The following NRG3 variants were observed in gnomAD, a reference collection of about 807,000 sequenced individuals.
The protein encoded by NRG3 is pro-neuregulin-3, membrane-bound isoform.
Under a neutral mutation model 66.9 loss-of-function variants are expected in NRG3, and 31 were observed. That is an observed-to-expected ratio of 0.46 (90% CI 0.35 to 0.63). The LOEUF (loss-of-function observed/expected upper bound fraction) is 0.63, where lower values mean the gene tolerates loss of function less well. Among genes scored for constraint, NRG3 ranks in the 20% least tolerant of loss-of-function variants. The probability of loss-of-function intolerance (pLI) is 0.00; values close to 1 mark genes in which losing one functional copy is unlikely to be tolerated. For missense variants in NRG3, 910 were observed against 878.9 expected (o/e 1.04, Z -0.45); for synonymous variants, 393 against 359.4 (o/e 1.09, Z -1.06).
intron 1 of NRG3, among the ~76,000 whole-genome samples, chr10:82,300,796 A>G (rs1343930800): frequency 2.6e-5 from 4 of 151,990 alleles, no homozygotes; most frequent in African/African-American, 9.7e-5. Context: ...AGGGTGGCAG[A>G]TACTCTCTGA....
At position 81,876,046 on chromosome 10, in the gene NRG3, C is replaced by A. The variant is rs1339713802; in HGVS notation, c.706C>A (p.His236Asn). ...TAAYATSSYL[H>N]DSTPSWTLSP... ...GGCATACGCTACCTCCTCCTACCTT[C>A]ACGATTCTACTCCCTCCTGGACCCT... is the stretch of plus-strand genomic sequence containing the variant. The change falls in exon 1 of 9, where the codon CAC becomes AAC. Residue 236 changes from histidine to asparagine, a missense_variant. His to Asn is a moderately conservative substitution (Grantham distance 68). Coordinates refer to ENST00000372141, the MANE Select transcript of NRG3 (RefSeq NM_001010848.4). The A allele has an allele frequency of 6.2e-6, 10 of 1,613,868 alleles. No homozygotes were observed. The highest frequency in any genetic ancestry group is 8.5e-6 in the Non-Finnish European group (10 of 1,180,038).
chr10:81,909,503 G>A (rs1300935545), intron 1 of NRG3, among the ~76,000 whole-genome samples: 1 of 152,018 alleles, frequency 6.6e-6, no homozygotes, highest in African/African-American at 2.4e-5. Context: ...GGTATCCAAG[G>A]GTTCCATCTC....
chr10:81,970,036 A>G (rs115777367), intron 1 of NRG3, among the ~76,000 whole-genome samples: 2,088 of 152,284 alleles, frequency 0.014, 23 homozygotes, highest in African/African-American at 0.032. Flanking sequence ...ATTCTCAATA[A>G]AAACCTGTTT....
At chr10:82,438,020 A>G (rs1345153032) in intron 2 of NRG3, among the ~76,000 whole-genome samples, 1 of 152,140 alleles carries the variant, frequency 6.6e-6, no homozygotes, top group Non-Finnish European at 1.5e-5. Context: ...GGAGGGTCTC[A>G]CCCAGTTGGG....
intron 1 of NRG3, among the ~76,000 whole-genome samples, chr10:82,163,771 G>C (rs1739776): frequency 0.69 from 104,377 of 151,930 alleles, 38,112 homozygotes; most frequent in Non-Finnish European, 0.8. Flanking sequence ...TTGATCTTAG[G>C]TTAGTAATGC....
At chr10:82,965,922 G>A (rs1851168213) in intron 6 of NRG3, among the ~76,000 whole-genome samples, 1 of 152,052 alleles carries the variant, frequency 6.6e-6, no homozygotes, top group African/African-American at 2.4e-5. Flanking sequence ...TCTGCCTTTA[G>A]TCTCTCAATT....
At chr10:82,040,814 C>T (rs890332622) in intron 1 of NRG3, among the ~76,000 whole-genome samples, 7 of 152,022 alleles carry the variant, frequency 4.6e-5, no homozygotes, top group Non-Finnish European at 8.8e-5. Context: ...CCTCTCCCTG[C>T]CCCAGTATAT....
intron 4 of NRG3, among the ~76,000 whole-genome samples, chr10:82,870,089 C>T (rs1039328979): frequency 9.4e-5 from 14 of 148,948 alleles, no homozygotes; most frequent in African/African-American, 3.0e-4. Context: ...AGGATGGTCT[C>T]GATCTCCTGA....
chr10:81,938,798 G>A (rs1336992058), intron 1 of NRG3, among the ~76,000 whole-genome samples: 1 of 152,038 alleles, frequency 6.6e-6, no homozygotes, highest in Non-Finnish European at 1.5e-5. Context: ...GTACTATGCT[G>A]AATAGAAGTG....
intron 3 of NRG3, among the ~76,000 whole-genome samples, chr10:82,779,074 G>A (rs2060018532): frequency 6.6e-6 from 1 of 152,094 alleles, no homozygotes; most frequent in South Asian, 2.1e-4. Flanking sequence ...ACTCTATCAA[G>A]GGCTCCGGTT....
At chr10:82,259,536 A>G (rs750067298) in intron 1 of NRG3, among the ~76,000 whole-genome samples, 5 of 152,196 alleles carry the variant, frequency 3.3e-5, no homozygotes, top group African/African-American at 4.8e-5. Context: ...AAACACAGCC[A>G]TAGGCAAACT....
chr10:81,906,569 C>T (rs1014269991), intron 1 of NRG3, among the ~76,000 whole-genome samples: 8 of 152,098 alleles, frequency 5.3e-5, no homozygotes, highest in African/African-American at 1.2e-4. Context: ...AACAGCATGG[C>T]GTCCAATGTG....
intron 2 of NRG3, among the ~76,000 whole-genome samples, chr10:82,670,317 A>G (rs2053167297): frequency 6.6e-6 from 1 of 152,168 alleles, no homozygotes; most frequent in Non-Finnish European, 1.5e-5. Flanking sequence ...AATGAAGCAC[A>G]AACACACATC....
intron 2 of NRG3, among the ~76,000 whole-genome samples, chr10:82,462,911 G>C (rs917061188): frequency 2.0e-5 from 3 of 152,110 alleles, no homozygotes; most frequent in African/African-American, 7.2e-5. Flanking sequence ...GGCTCACAGA[G>C]GTTGCTTGAA....
At chr10:82,904,403 G>T (rs900481291) in intron 4 of NRG3, among the ~76,000 whole-genome samples, 2 of 152,140 alleles carry the variant, frequency 1.3e-5, no homozygotes, top group African/African-American at 4.8e-5. Flanking sequence ...AACAGAAAAT[G>T]GTTGGTCTCC....
intron 4 of NRG3, among the ~76,000 whole-genome samples, chr10:82,882,108 A>G (rs1287231122): frequency 6.6e-6 from 1 of 152,156 alleles, no homozygotes; most frequent in Non-Finnish European, 1.5e-5. Flanking sequence ...TCTTTTCTGC[A>G]TGTGATTTCT....
intron 5 of NRG3, among the ~76,000 whole-genome samples, chr10:82,953,231 A>G (rs1377119000): frequency 6.6e-6 from 1 of 151,956 alleles, no homozygotes; most frequent in Non-Finnish European, 1.5e-5. Flanking sequence ...GCTTCCAATC[A>G]CCACAGAAAT....
intron 2 of NRG3, among the ~76,000 whole-genome samples, chr10:82,609,809 T>C (rs933856787): frequency 6.6e-6 from 1 of 152,208 alleles, no homozygotes; most frequent in African/African-American, 2.4e-5. Context: ...AAAATTAATG[T>C]TATCCCACAA....
intron 4 of NRG3, among the ~76,000 whole-genome samples, chr10:82,921,661 A>T (rs1441027854): frequency 6.6e-6 from 1 of 152,188 alleles, no homozygotes; most frequent in African/African-American, 2.4e-5. Flanking sequence ...TTATTTCATC[A>T]GTTTACTTGT....
Sources: gnomAD v4.1 joint callset for allele counts (sites outside exome capture counted in the v4.1 genomes callset) on GRCh38, gnomAD v4.1.1 for gene constraint, MANE v1.5 for transcripts, NCBI Gene and HGNC (gene_info 2026-07-23, HGNC 2026-07-21) for gene names.